GCSAML: variants seen among roughly 807,000 people sequenced by gnomAD.
GCSAML encodes the protein germinal center associated signaling and motility like, also known as germinal center-associated signaling and motility-like protein.
GCSAML carries 9 observed loss-of-function variants against 13.0 expected under a neutral mutation model. The observed-to-expected ratio is 0.69, with a 90% CI of 0.42 to 1.21. GCSAML has a LOEUF of 1.21. GCSAML is among the 50% of genes most tolerant of loss of function. GCSAML has a pLI of 0.00. For missense variants in GCSAML, 143 were observed against 153.4 expected (o/e 0.93, Z 0.36); for synonymous variants, 37 against 52.9 (o/e 0.70, Z 1.31).
At chr1:247,532,628 T>C in intron 2 of GCSAML, 1 of 1,021,668 alleles carries the variant, frequency 9.8e-7, no homozygotes. Context: ...TTAGTTCATT[T>C]TATGTTATTC....
chr1:247,541,576 A>C (rs1667411870), intron 2 of GCSAML, among the ~76,000 whole-genome samples: 2 of 152,208 alleles, frequency 1.3e-5, no homozygotes, highest in Non-Finnish European at 1.5e-5. Context: ...ATCAAACTAC[A>C]AGTCAAAAAA....
At chr1:247,518,853 G>C (rs1666315432) in intron 1 of GCSAML, among the ~76,000 whole-genome samples, 1 of 152,162 alleles carries the variant, frequency 6.6e-6, no homozygotes, top group African/African-American at 2.4e-5. Flanking sequence ...AGCCGGGCTA[G>C]TGGCGCCTGC....
At chr1:247,567,422 G>A (rs1386606652) in intron 4 of GCSAML, among the ~76,000 whole-genome samples, 2 of 152,102 alleles carry the variant, frequency 1.3e-5, no homozygotes, top group Non-Finnish European at 2.9e-5. Context: ...GTGGGAACAT[G>A]CAGTGTGTGG....
chr1:247,549,073 C>T (rs748831375), upstream of GCSAML: 1 of 1,605,544 alleles, frequency 6.2e-7, no homozygotes, highest in Non-Finnish European at 8.5e-7. Flanking sequence ...TTGGCAAGAG[C>T]ACGAACCCGT....
intron 1 of GCSAML, among the ~76,000 whole-genome samples, chr1:247,514,161 C>A (rs112794904): frequency 0.024 from 3,702 of 152,112 alleles, 151 homozygotes; most frequent in African/African-American, 0.084. Context: ...TTGTGTTTTT[C>A]GTAGGGATAG....
chr1:247,507,881 A>G lies in GCSAML; in HGVS notation c.-263+648A>G, dbSNP rs1256168243. On this transcript the variant is annotated intron_variant, in intron 1 of 5. Transcript: ENST00000366489. ...ATTGCTGCATAGTATCCCATGGTGT[A>G]TATGTGTCACATTTTCTTTATCCAG... 2.6e-5 allele frequency among the ~76,000 whole-genome samples: 4 copies of G among 152,152 alleles called. No individual in the cohort carries two copies. The East Asian group carries it at 7.7e-4, about 29-fold the overall frequency.
chr1:247,507,597 C>T (rs1184978459), intron 1 of GCSAML, among the ~76,000 whole-genome samples: 3 of 152,038 alleles, frequency 2.0e-5, no homozygotes, highest in Admixed American at 6.6e-5. Flanking sequence ...CATGTATACA[C>T]GTGCCATGGT....
intron 2 of GCSAML, chr1:247,528,996 AGAAATTTAACATGG>A (rs1197022624): frequency 6.6e-6 from 1 of 152,174 alleles, no homozygotes; most frequent in East Asian, 1.9e-4. Context: ...TGAGCCTATG[AGAAATTTAACATGG>A]AAGCAGGGAT....
intron 2 of GCSAML, among the ~76,000 whole-genome samples, chr1:247,539,735 C>T (rs748913996): frequency 4.6e-5 from 6 of 131,218 alleles, no homozygotes; most frequent in East Asian, 2.3e-4. Context: ...CCTTTTGACT[C>T]TATTTTTAAA....
chr1:247,538,306 G>A (rs989052984), intron 2 of GCSAML, among the ~76,000 whole-genome samples: 5 of 152,286 alleles, frequency 3.3e-5, no homozygotes, highest in African/African-American at 7.2e-5. Context: ...ACCCATAGAC[G>A]TATGTTAGCT....
At position 247,563,580 on chromosome 1, in the gene GCSAML, T is replaced by A. The variant is rs779061895; in HGVS notation, c.90-10T>A. The A allele has an allele frequency of 6.4e-7, 1 of 1,560,468 alleles. No homozygotes were observed. Among genetic ancestry groups the A allele is most frequent in the South Asian group, 1.1e-5 (1 of 88,616 alleles). ...TGGAGTATCTCATGTTACTATCTCTTTCCTTGTAGGCAGGAAATGACTACA... is the reference window on the plus strand; with the variant it reads ...TGGAGTATCTCATGTTACTATCTCTATCCTTGTAGGCAGGAAATGACTACA... On this transcript the variant is annotated splice_polypyrimidine_tract_variant and intron_variant, in intron 2 of 4. Coordinates refer to ENST00000366488, the MANE Select transcript of GCSAML (RefSeq NM_145278.5).
At position 247,577,233 on chromosome 1, in the gene GCSAML, CAA is replaced by C. The variant is rs1360191550; in HGVS notation, c.*2852_*2853del. ...GTTTATATTTTTAATCAGTTTTACTCAAGTGTGATTATATACAAGAAAATGTA... is the reference window on the plus strand; with the variant it reads ...GTTTATATTTTTAATCAGTTTTACTCGTGTGATTATATACAAGAAAATGTA... On this transcript the variant is annotated 3_prime_UTR_variant, in exon 5 of 5. Coordinates refer to ENST00000366488, the MANE Select transcript of GCSAML (RefSeq NM_145278.5). 1 of 152,086 alleles carries C rather than the reference CAA, an allele frequency of 6.6e-6. No homozygotes were observed. The highest frequency in any genetic ancestry group is 1.5e-5 in the Non-Finnish European group (1 of 68,020). 9.4% of individuals were successfully genotyped at this position (152,086 alleles called of 1,614,324 possible). A position where few individuals can be genotyped will look rare whatever the true frequency, so the allele number is the denominator to read the frequency against.
chr1:247,563,055 G>T (rs375445547), intron 2 of GCSAML, among the ~76,000 whole-genome samples: 4 of 140,956 alleles, frequency 2.8e-5, no homozygotes, highest in Admixed American at 1.5e-4. Flanking sequence ...TCACCGTGTT[G>T]GCCAGGAAGG....
intron 1 of GCSAML, among the ~76,000 whole-genome samples, chr1:247,550,630 C>G (rs951352207): frequency 6.7e-6 from 1 of 150,318 alleles, no homozygotes; most frequent in African/African-American, 2.5e-5. Context: ...GAGCAAGACT[C>G]TGTCTCAAAT....
chr1:247,574,550 G>A lies in GCSAML; in HGVS notation c.*168G>A, dbSNP rs1668761627. On this transcript the variant is annotated 3_prime_UTR_variant, in exon 5 of 5. Coordinates refer to ENST00000366488, the MANE Select transcript of GCSAML (RefSeq NM_145278.5). ...GGCAACTCTGATATGTGGCATCTCT[G>A]TGGCTTAGGTGAAATCATAGAAATT... The A allele has an allele frequency of 3.1e-6, 2 of 654,312 alleles. No individual in the cohort carries two copies. Among genetic ancestry groups the A allele is most frequent in the Non-Finnish European group, 5.0e-6 (2 of 396,072 alleles). The allele number at this position is 654,312 out of a possible 1,614,324, so 40.5% of individuals were successfully genotyped here.
At chr1:247,550,366 G>A (rs561822691) in intron 1 of GCSAML, among the ~76,000 whole-genome samples, 16 of 152,132 alleles carry the variant, frequency 1.1e-4, no homozygotes, top group Non-Finnish European at 1.9e-4. Flanking sequence ...GGCTGGGCAC[G>A]GTGGCTCATG....
intron 1 of GCSAML, chr1:247,524,725 T>C (rs1666605777): frequency 6.6e-6 from 1 of 151,368 alleles, no homozygotes; most frequent in South Asian, 2.1e-4. Context: ...CATTTAAAAC[T>C]TTTGTACCAC....
chr1:247,537,176 T>C (rs1235893183), intron 2 of GCSAML, among the ~76,000 whole-genome samples: 1 of 152,248 alleles, frequency 6.6e-6, no homozygotes, highest in South Asian at 2.1e-4. Flanking sequence ...TTTCTCTATG[T>C]ATGGATTTGC....
intron 2 of GCSAML, among the ~76,000 whole-genome samples, chr1:247,541,486 C>G (rs189654412): frequency 6.6e-6 from 1 of 152,234 alleles, no homozygotes; most frequent in Non-Finnish European, 1.5e-5. Context: ...ATGGCTGAAA[C>G]TGGGGTGCAG....
Sources: gnomAD v4.1 joint callset for allele counts (sites outside exome capture counted in the v4.1 genomes callset) on GRCh38, gnomAD v4.1.1 for gene constraint, MANE v1.5 for transcripts, NCBI Gene and HGNC (gene_info 2026-07-23, HGNC 2026-07-21) for gene names.